NFIA: variants seen among roughly 807,000 people sequenced by gnomAD.
The protein encoded by NFIA is nuclear factor I A, also known as nuclear factor 1 A-type.
Under a neutral mutation model 62.8 loss-of-function variants are expected in NFIA, and 8 were observed. The ratio of observed to expected loss-of-function variants is 0.13; its 90% CI spans 0.07 to 0.23. The LOEUF is 0.23. NFIA is among the 10% of genes least tolerant of loss of function. NFIA has a pLI of 1.00. For synonymous variants in NFIA, 235 were observed against 238.1 expected (o/e 0.99, Z 0.12); for missense variants, 410 against 642.1 (o/e 0.64, Z 3.91).
At position 61,148,737 on chromosome 1, in the gene NFIA, T is replaced by C. The variant is rs17121694; in HGVS notation, c.559+60057T>C. Among the ~76,000 whole-genome samples the C allele has an allele frequency of 9.5e-3, 1,449 of 152,330 alleles. 52 individuals carry two copies. The East Asian group carries it at 0.13, about 13-fold the overall frequency. ...GAAGTTAAGTTAGCAGCAGATTCTC[T>C]TCCATTTATAGCATCAGTATCAGGG... On this transcript the variant is annotated intron_variant, in intron 2 of 10. Transcript: ENST00000403491.
intron 3 of NFIA, among the ~76,000 whole-genome samples, chr1:61,295,705 C>T (rs1171271283): frequency 1.3e-5 from 2 of 152,186 alleles, no homozygotes; most frequent in African/African-American, 2.4e-5. Flanking sequence ...AAAATAGTCA[C>T]GAATGCTTCT....
chr1:61,112,360 A>G (rs1646708381), intron 2 of NFIA, among the ~76,000 whole-genome samples: 1 of 152,170 alleles, frequency 6.6e-6, no homozygotes, highest in Non-Finnish European at 1.5e-5. Context: ...TATCATTTAT[A>G]TGTAGTAGTA....
At chr1:61,388,353 C>A (rs1664805476) in intron 7 of NFIA, among the ~76,000 whole-genome samples, 1 of 152,114 alleles carries the variant, frequency 6.6e-6, no homozygotes, top group East Asian at 1.9e-4. Flanking sequence ...GACTATTTGT[C>A]TTATTCATGA....
chr1:61,447,417 T>C (rs963537104), intron 10 of NFIA, among the ~76,000 whole-genome samples: 1 of 152,252 alleles, frequency 6.6e-6, no homozygotes, highest in African/African-American at 2.4e-5. Flanking sequence ...TCTTCTGATA[T>C]TTGTTGGACT....
chr1:61,156,975 G>A (rs1648860969), intron 2 of NFIA, among the ~76,000 whole-genome samples: 1 of 152,202 alleles, frequency 6.6e-6, no homozygotes, highest in Non-Finnish European at 1.5e-5. Flanking sequence ...CTCTCCAACT[G>A]TGGGGTATTC....
intron 10 of NFIA, among the ~76,000 whole-genome samples, chr1:61,444,460 C>G (rs982188808): frequency 6.6e-6 from 1 of 152,148 alleles, no homozygotes; most frequent in East Asian, 1.9e-4. Flanking sequence ...AACTAACATA[C>G]AGAGGCCGGC....
chr1:61,204,298 T>C (rs1652747508), intron 2 of NFIA, among the ~76,000 whole-genome samples: 1 of 152,220 alleles, frequency 6.6e-6, no homozygotes, highest in Non-Finnish European at 1.5e-5. Context: ...GCCAGTTAGC[T>C]GGTGGACTGG....
chr1:61,402,574 G>C (rs1373083648), intron 7 of NFIA, among the ~76,000 whole-genome samples: 2 of 152,186 alleles, frequency 1.3e-5, no homozygotes, highest in Admixed American at 1.3e-4. Context: ...AGAAGTGTAA[G>C]CTTGAGAGGA....
At chr1:61,380,143 A>G (rs1344250294) in intron 6 of NFIA, among the ~76,000 whole-genome samples, 1 of 152,166 alleles carries the variant, frequency 6.6e-6, no homozygotes, top group Non-Finnish European at 1.5e-5. Flanking sequence ...ATGTTTCTCC[A>G]ATTCTATTTA....
chr1:61,236,305 G>A (rs1343769172), intron 2 of NFIA, among the ~76,000 whole-genome samples: 1 of 152,210 alleles, frequency 6.6e-6, no homozygotes, highest in Non-Finnish European at 1.5e-5. Flanking sequence ...TGAAGCAGGG[G>A]CTGTATCTTG....
At chr1:61,081,649 A>T, upstream of NFIA, 1 of 407,190 alleles carries the variant, frequency 2.5e-6, no homozygotes. Flanking sequence ...CACTAGTTTC[A>T]CAGTCCTGGG....
At chr1:61,239,400 C>T (rs896545888) in intron 2 of NFIA, among the ~76,000 whole-genome samples, 1 of 152,068 alleles carries the variant, frequency 6.6e-6, no homozygotes, top group African/African-American at 2.4e-5. Context: ...TGAGTCTTTT[C>T]TATGAAATCT....
intron 2 of NFIA, among the ~76,000 whole-genome samples, chr1:61,235,363 T>G (rs986413689): frequency 2.6e-5 from 4 of 151,738 alleles, no homozygotes; most frequent in Admixed American, 2.6e-4. Context: ...CTCGGGAGGC[T>G]GAGGCAGGAG....
intron 7 of NFIA, among the ~76,000 whole-genome samples, chr1:61,388,254 A>G (rs917338210): frequency 6.6e-6 from 1 of 152,252 alleles, no homozygotes; most frequent in Non-Finnish European, 1.5e-5. Context: ...TAGTATAATT[A>G]CTGTGCACTT....
chr1:61,447,333 T>C (rs1052243771), intron 10 of NFIA, among the ~76,000 whole-genome samples: 1 of 152,196 alleles, frequency 6.6e-6, no homozygotes. Flanking sequence ...TTTCAGGGCA[T>C]TAAAATACAG....
At chr1:61,437,846 C>T (rs1269824873) in intron 10 of NFIA, among the ~76,000 whole-genome samples, 3 of 121,728 alleles carry the variant, frequency 2.5e-5, no homozygotes, top group Admixed American at 2.4e-4. Context: ...CTGAAGAACC[C>T]TATTCTGTTT....
chr1:61,188,190 G>A (rs1175137314), intron 2 of NFIA, among the ~76,000 whole-genome samples: 3 of 152,050 alleles, frequency 2.0e-5, no homozygotes, highest in Non-Finnish European at 4.4e-5. Context: ...GGGACCACAG[G>A]TGCGCGCCCC....
At chr1:61,227,355 G>A (rs998982045) in intron 2 of NFIA, among the ~76,000 whole-genome samples, 1 of 150,830 alleles carries the variant, frequency 6.6e-6, no homozygotes, top group African/African-American at 2.4e-5. Context: ...AATTTATCAA[G>A]CTTGATTTCA....
At chr1:61,110,949 A>G (rs1646684904) in intron 2 of NFIA, among the ~76,000 whole-genome samples, 1 of 152,136 alleles carries the variant, frequency 6.6e-6, no homozygotes, top group Non-Finnish European at 1.5e-5. Flanking sequence ...GTCTGTTGAA[A>G]CTTACAAGTT....
Sources: allele counts gnomAD v4.1 joint callset (sites outside exome capture counted in the v4.1 genomes callset), GRCh38; gene constraint gnomAD v4.1.1; transcripts MANE v1.5; gene names NCBI Gene and HGNC (gene_info 2026-07-23, HGNC 2026-07-21).